RANBP3L: variants seen among roughly 807,000 people sequenced by gnomAD.
RANBP3L encodes the protein RAN binding protein 3 like.
Under a neutral mutation model 67.2 loss-of-function variants are expected in RANBP3L, and 56 were observed. That is an observed-to-expected ratio of 0.83 (90% CI 0.67 to 1.04). The LOEUF (loss-of-function observed/expected upper bound fraction) is 1.04, where lower values mean the gene tolerates loss of function less well. Among genes scored for constraint, RANBP3L ranks in the 50% least tolerant of loss-of-function variants. The probability of loss-of-function intolerance (pLI) is 0.00; values close to 1 mark genes in which losing one functional copy is unlikely to be tolerated. For missense variants in RANBP3L, 496 were observed against 535.5 expected, an observed-to-expected ratio of 0.93 and a Z score of 0.73; for synonymous variants, 164 against 181.4, an observed-to-expected ratio of 0.90 and a Z score of 0.77.
intron 11 of RANBP3L, among the ~76,000 whole-genome samples, chr5:36,254,534 A>G (rs923351975): frequency 3.3e-5 from 5 of 151,726 alleles, no homozygotes; most frequent in Admixed American, 1.3e-4. Context: ...CAGGCAGTGG[A>G]ATCAAACCAG....
At chr5:36,265,760 G>A (rs535369742) in intron 4 of RANBP3L, among the ~76,000 whole-genome samples, 1 of 152,222 alleles carries the variant, frequency 6.6e-6, no homozygotes, top group African/African-American at 2.4e-5. Context: ...ATCACCTGAG[G>A]TCAGGAGTTC....
In RANBP3L at chr5:36,297,492, A is replaced by T. The variant is rs16902939; in HGVS notation, c.91+3834T>A. 7.8e-3 allele frequency among the ~76,000 whole-genome samples: 1,189 copies of T among 152,116 alleles called. 16 individuals are homozygous for T. Among genetic ancestry groups the T allele is most frequent in the African/African-American group, 0.027 (1,107 of 41,524 alleles). On this transcript the variant is annotated intron_variant, in intron 1 of 13. Coordinates refer to ENST00000296604, the MANE Select transcript of RANBP3L (RefSeq NM_145000.5). ...GGTTCTGTTTCCCTGAAGAAGCTTG[A>T]CTACACTATTTCATTTGGTTGTTGT... is the stretch of plus-strand genomic sequence containing the variant.
chr5:36,269,615 T>G (rs1750068574), intron 3 of RANBP3L, 148 bp from the exon 4 acceptor site: 3 of 643,566 alleles, frequency 4.7e-6, no homozygotes, highest in Non-Finnish European at 8.4e-6. Context: ...AATAGTTTGC[T>G]GATTGATTAT....
intron 1 of RANBP3L, among the ~76,000 whole-genome samples, chr5:36,299,112 C>A (rs911764099): frequency 2.4e-4 from 37 of 152,176 alleles, no homozygotes; most frequent in African/African-American, 8.7e-4. Flanking sequence ...ACTGGCCTAG[C>A]CTCCCAGCCT....
intron 2 of RANBP3L, 125 bp from the exon 3 acceptor site, chr5:36,270,115 C>T (rs1343487118): frequency 2.5e-6 from 2 of 791,090 alleles, no homozygotes; most frequent in Non-Finnish European, 4.5e-6. Flanking sequence ...TTGCACCAAC[C>T]TAGTACATCA....
intron 6 of RANBP3L, among the ~76,000 whole-genome samples, chr5:36,263,499 G>A (rs1329803621): frequency 1.4e-5 from 2 of 144,934 alleles, no homozygotes; most frequent in South Asian, 4.2e-4. Context: ...TAACTTTTTA[G>A]AAATTAGTCA....
At chr5:36,259,427 C>T (rs544469181) in intron 8 of RANBP3L, among the ~76,000 whole-genome samples, 9 of 152,030 alleles carry the variant, frequency 5.9e-5, no homozygotes, top group Non-Finnish European at 1.3e-4. Flanking sequence ...ACCAAAAATA[C>T]AAAAAGTTAG....
At chr5:36,287,542 T>A (rs768128968) in intron 1 of RANBP3L, among the ~76,000 whole-genome samples, 8 of 152,206 alleles carry the variant, frequency 5.3e-5, no homozygotes, top group Admixed American at 1.3e-4. Flanking sequence ...TATTAAACGA[T>A]AACTCATGAG....
intron 4 of RANBP3L, among the ~76,000 whole-genome samples, chr5:36,268,763 C>G (rs1177090485): frequency 6.6e-6 from 1 of 151,354 alleles, no homozygotes; most frequent in Admixed American, 6.6e-5. Context: ...ACCTGGAGTG[C>G]GGTGGAGCAA....
At chr5:36,268,109 T>G in intron 4 of RANBP3L, 1 of 862,516 alleles carries the variant, frequency 1.2e-6, no homozygotes. Flanking sequence ...CATTTTATGA[T>G]CGCTAAAAAA....
chr5:36,277,838 T>G (rs1186101209), intron 1 of RANBP3L, among the ~76,000 whole-genome samples: 2 of 152,130 alleles, frequency 1.3e-5, no homozygotes, highest in African/African-American at 2.4e-5. Flanking sequence ...AGAGGTTTAA[T>G]GGACTCACAG....
intron 1 of RANBP3L, among the ~76,000 whole-genome samples, chr5:36,289,026 T>A (rs1270311725): frequency 6.6e-6 from 1 of 152,180 alleles, no homozygotes; most frequent in Non-Finnish European, 1.5e-5. Context: ...GATATTTTCC[T>A]ACATTTCTTC....
intron 10 of RANBP3L, chr5:36,256,724 A>G (rs1749002048): frequency 1.9e-6 from 1 of 520,622 alleles, no homozygotes; most frequent in Non-Finnish European, 3.3e-6. Context: ...ATAGTTGTAA[A>G]CCTAACAACC....
chr5:36,268,221 G>A, intron 4 of RANBP3L: 3 of 1,540,674 alleles, frequency 1.9e-6, no homozygotes, highest in Non-Finnish European at 2.6e-6. Context: ...AGGTTGGGAG[G>A]TTAGTGACGG....
intron 1 of RANBP3L, among the ~76,000 whole-genome samples, chr5:36,277,376 G>C (rs1750645313): frequency 6.8e-6 from 1 of 147,366 alleles, no homozygotes; most frequent in Admixed American, 6.8e-5. Context: ...TTTAAATAAA[G>C]GACTCGAGCC....
At chr5:36,295,673 G>GT (rs11318481) in intron 1 of RANBP3L, among the ~76,000 whole-genome samples, 25,038 of 120,428 alleles carry the variant, frequency 0.21, 2,474 homozygotes, top group Admixed American at 0.24. Context: ...GTTATATCCT[G>GT]TTTTTTTTTT....
chr5:36,258,777 T>G (rs961823788), intron 8 of RANBP3L, among the ~76,000 whole-genome samples: 95 of 152,226 alleles, frequency 6.2e-4, no homozygotes, highest in Non-Finnish European at 1.8e-4. Flanking sequence ...TATAAGCACC[T>G]TTAGGGCCCA....
At chr5:36,295,317 C>T (rs1328128037) in intron 1 of RANBP3L, among the ~76,000 whole-genome samples, 1 of 151,924 alleles carries the variant, frequency 6.6e-6, no homozygotes, top group African/African-American at 2.4e-5. Flanking sequence ...GGCTGTTACC[C>T]CCATGCTGTT....
chr5:36,295,427 C>T (rs1208791747), intron 1 of RANBP3L, among the ~76,000 whole-genome samples: 1 of 152,068 alleles, frequency 6.6e-6, no homozygotes, highest in African/African-American at 2.4e-5. Flanking sequence ...AAGAAGGATA[C>T]GTTTGCTTCC....
Sources: gnomAD v4.1 joint callset for allele counts (sites outside exome capture counted in the v4.1 genomes callset) on GRCh38, gnomAD v4.1.1 for gene constraint, MANE v1.5 for transcripts, NCBI Gene and HGNC (gene_info 2026-07-23, HGNC 2026-07-21) for gene names.